The following INTU variants were observed in gnomAD, a reference collection of about 807,000 sequenced individuals.
The protein encoded by INTU is inturned planar cell polarity protein.
A neutral mutation model predicts 100.5 loss-of-function variants in INTU; 68 were observed. The observed-to-expected ratio is 0.68, with a 90% CI of 0.56 to 0.83. The LOEUF is 0.83. Among genes scored for constraint, INTU ranks in the 40% least tolerant of loss-of-function variants. INTU has a pLI of 0.00. For missense variants in INTU, 1,071 were observed against 1,114.7 expected, an observed-to-expected ratio of 0.96 and a Z score of 0.56; for synonymous variants, 357 against 395.7, an observed-to-expected ratio of 0.90 and a Z score of 1.16.
rs1345603635 is a variant in INTU, at chr4:127,656,719, C to G, written c.766C>G (p.Gln256Glu). 1 of 1,561,518 alleles carries G rather than the reference C, an allele frequency of 6.4e-7. No individual in the cohort carries two copies. The highest frequency in any genetic ancestry group is 2.2e-5 in the East Asian group (1 of 44,542). Residue 256 changes from glutamine (Q) to glutamate (E), a missense_variant and splice_region_variant, in exon 3 of 16, where the codon CAG becomes GAG. Gln to Glu is a conservative substitution (Grantham distance 29). Coordinates refer to ENST00000335251, the MANE Select transcript of INTU (RefSeq NM_015693.4). ...RVLSCIPGPMQVKLTFENAYD... is the reference protein window; with the variant it reads ...RVLSCIPGPMEVKLTFENAYD... ...TCTGTCTTGCATTCCTGGACCTATG[C>G]AGGTATGGACATTCTTTTTCTATAT...
chr4:127,661,147 G>A (rs1728458929), intron 3 of INTU, among the ~76,000 whole-genome samples: 1 of 152,128 alleles, frequency 6.6e-6, no homozygotes, highest in Non-Finnish European at 1.5e-5. Flanking sequence ...GTTCGGTGGT[G>A]TGTGTTTTTG....
intron 1 of INTU, among the ~76,000 whole-genome samples, chr4:127,639,266 C>A (rs1727205398): frequency 6.6e-6 from 1 of 152,096 alleles, no homozygotes; most frequent in African/African-American, 2.4e-5. Context: ...ATATCTTAGT[C>A]CTTTCCTGTT....
At chr4:127,710,568 G>A (rs917643157) in intron 13 of INTU, among the ~76,000 whole-genome samples, 1 of 152,092 alleles carries the variant, frequency 6.6e-6, no homozygotes, top group African/African-American at 2.4e-5. Context: ...GGCCAGACAC[G>A]AGCTGAATTA....
intron 9 of INTU, 105 bp downstream of exon 9, chr4:127,700,168 A>AT: frequency 1.1e-6 from 1 of 922,438 alleles, no homozygotes; most frequent in Non-Finnish European, 1.7e-6. Flanking sequence ...ATCTTGAAAT[A>AT]CACATTAGGC....
At chr4:127,707,004 C>T (rs1314710488) in intron 12 of INTU, 35 bp downstream of exon 12, 1 of 1,570,774 alleles carries the variant, frequency 6.4e-7, no homozygotes, top group African/African-American at 1.4e-5. Flanking sequence ...GTTCTGGGAG[C>T]TAAGTTGTCT....
At chr4:127,648,865 T>C (rs1463117673) in intron 2 of INTU, among the ~76,000 whole-genome samples, 1 of 152,164 alleles carries the variant, frequency 6.6e-6, no homozygotes, top group African/African-American at 2.4e-5. Flanking sequence ...AAGTTTATTT[T>C]GGTCTGCAAG....
intron 6 of INTU, among the ~76,000 whole-genome samples, chr4:127,679,207 T>C (rs919441333): frequency 6.6e-6 from 1 of 151,968 alleles, no homozygotes; most frequent in Admixed American, 6.6e-5. Context: ...GACAGAAAGT[T>C]AACAAGGATA....
At chr4:127,702,790 G>A (rs1044661041) in intron 9 of INTU, among the ~76,000 whole-genome samples, 3 of 151,836 alleles carry the variant, frequency 2.0e-5, no homozygotes, top group Non-Finnish European at 2.9e-5. Context: ...CTTTGGAGTC[G>A]ACCCCTCTCC....
chr4:127,707,667 CTGTG>C (rs1329602923), intron 12 of INTU, among the ~76,000 whole-genome samples: 1 of 151,710 alleles, frequency 6.6e-6, no homozygotes, highest in Non-Finnish European at 1.5e-5. Flanking sequence ...GTGTATGTCT[CTGTG>C]TGTATTATCC....
intron 6 of INTU, among the ~76,000 whole-genome samples, chr4:127,682,256 A>G (rs1471078418): frequency 1.3e-5 from 2 of 152,076 alleles, no homozygotes; most frequent in African/African-American, 4.8e-5. Flanking sequence ...ATTACTGGGT[A>G]TATGCCCAAA....
intron 1 of INTU, among the ~76,000 whole-genome samples, chr4:127,640,750 G>A (rs923718964): frequency 1.3e-5 from 2 of 151,100 alleles, no homozygotes; most frequent in Non-Finnish European, 2.9e-5. Flanking sequence ...AAGCTGTATT[G>A]TTAAGTGAGA....
chr4:127,724,522 A>T lies in INTU; in HGVS notation c.*8086A>T, dbSNP rs950177445. On this transcript the variant is annotated 3_prime_UTR_variant, in exon 16 of 16. Coordinates refer to ENST00000335251, the MANE Select transcript of INTU (RefSeq NM_015693.4). ...ACTTTAGTGAACAATAGTTTACTTG[A>T]CCTTTAGTTGGAAAAGAAAACTAAT... 3 of 152,126 alleles carry T rather than the reference A, an allele frequency of 2.0e-5. No homozygotes were observed. Among genetic ancestry groups the T allele is most frequent in the Non-Finnish European group, 4.4e-5 (3 of 68,024 alleles). The allele number at this position is 152,126 out of a possible 1,614,324, so 9.4% of individuals were successfully genotyped here.
intron 13 of INTU, among the ~76,000 whole-genome samples, chr4:127,709,775 A>G (rs1475624913): frequency 6.6e-6 from 1 of 151,534 alleles, no homozygotes; most frequent in Non-Finnish European, 1.5e-5. Flanking sequence ...TTAATCACTG[A>G]AACACTTTAC....
In INTU at chr4:127,633,081, T is replaced by C; in HGVS notation, c.47T>C (p.Leu16Pro). Residue 16 changes from leucine (L) to proline (P), a missense_variant, in exon 1 of 16, where the codon CTC (leucine) becomes CCC (proline). By Grantham distance (98) the Leu-to-Pro change is moderately conservative. Transcript: ENST00000335251. The part of the protein sequence containing the change: ...SCDSRPSSDE[L>P]PGDPSSQEED... ...GATTCGCGTCCGAGCTCAGACGAGC[T>C]CCCTGGAGACCCCTCTTCACAAGAA... 1 of 1,613,986 alleles carries C rather than the reference T, an allele frequency of 6.2e-7. No homozygotes were observed. The highest frequency in any genetic ancestry group is 1.1e-5 in the South Asian group (1 of 91,070).
intron 6 of INTU, among the ~76,000 whole-genome samples, chr4:127,682,801 T>C (rs1347576535): frequency 6.6e-6 from 1 of 151,894 alleles, no homozygotes; most frequent in East Asian, 1.9e-4. Flanking sequence ...ATTATGGGTT[T>C]ACAAGGATTG....
At chr4:127,640,529 T>G (rs1727264253) in intron 1 of INTU, among the ~76,000 whole-genome samples, 1 of 122,104 alleles carries the variant, frequency 8.2e-6, no homozygotes. Context: ...GTATAGTCTT[T>G]TGGGTAAAGA....
intron 7 of INTU, chr4:127,687,026 G>C (rs1729858543): frequency 6.6e-6 from 1 of 152,046 alleles, no homozygotes; most frequent in Admixed American, 6.6e-5. Context: ...TGTTTTTTGA[G>C]TTCTTTAATG....
intron 1 of INTU, among the ~76,000 whole-genome samples, chr4:127,641,499 C>T (rs886443314): frequency 3.3e-5 from 5 of 152,006 alleles, no homozygotes; most frequent in African/African-American, 1.2e-4. Context: ...AGCTCCCCAC[C>T]TCTCTCCCTC....
intron 6 of INTU, among the ~76,000 whole-genome samples, chr4:127,681,095 A>G (rs1337917998): frequency 6.6e-6 from 1 of 152,142 alleles, no homozygotes; most frequent in Non-Finnish European, 1.5e-5. Context: ...GCTCAATGAA[A>G]TAAAAGAGGA....
Sources: gnomAD v4.1 joint callset for allele counts (sites outside exome capture counted in the v4.1 genomes callset) on GRCh38, gnomAD v4.1.1 for gene constraint, MANE v1.5 for transcripts, NCBI Gene and HGNC (gene_info 2026-07-23, HGNC 2026-07-21) for gene names.